TEK: variants seen among roughly 807,000 people sequenced by gnomAD.
TEK encodes the protein TEK receptor tyrosine kinase.
A neutral mutation model predicts 131.8 loss-of-function variants in TEK; 43 were observed. The observed-to-expected ratio is 0.33, with a 90% CI of 0.26 to 0.42. TEK has a LOEUF of 0.42. TEK is among the 10% of genes least tolerant of loss of function. The pLI is 1.00. For missense variants in TEK, 1,162 were observed against 1,384.4 expected (o/e 0.84, Z 2.55); for synonymous variants, 580 against 491.6 (o/e 1.18, Z -2.38).
intron 10 of TEK, chr9:27,191,818 A>G (rs1340730860): frequency 2.5e-6 from 1 of 403,800 alleles, no homozygotes; most frequent in East Asian, 7.2e-5. Flanking sequence ...ACCTTTGTCT[A>G]CAAGTGGACA....
chr9:27,205,059 A>G lies in TEK; in HGVS notation c.2358A>G (p.Gln786=). Residue 786 remains glutamine (Q), a synonymous_variant, in exon 14 of 23, where the codon CAA becomes CAG. Transcript: ENST00000380036. ...NVQRRMAQAF[Q]NVREEPAVQF... is the part of the protein sequence containing the mutation. Reference sequence around the variant, plus strand: ...AAAGGAGAATGGCCCAAGCCTTCCAAAACGTGGTAGTGTCTCATCTTCCTA... The same window carrying G: ...AAAGGAGAATGGCCCAAGCCTTCCAGAACGTGGTAGTGTCTCATCTTCCTA... 6 of 1,613,986 alleles carry G rather than the reference A, an allele frequency of 3.7e-6. No individual in the cohort carries two copies. Among genetic ancestry groups the G allele is most frequent in the Non-Finnish European group, 5.1e-6 (6 of 1,179,900 alleles).
intron 1 of TEK, among the ~76,000 whole-genome samples, chr9:27,124,747 A>C (rs4242698): frequency 0.26 from 39,322 of 152,214 alleles, 5,653 homozygotes; most frequent in Admixed American, 0.32. Context: ...GGGAGGAGCA[A>C]GTAATTCAGG....
intron 1 of TEK, among the ~76,000 whole-genome samples, chr9:27,113,600 AAAATAAAAT>A (rs1207687892): frequency 6.6e-6 from 1 of 152,122 alleles, no homozygotes; most frequent in Non-Finnish European, 1.5e-5. Flanking sequence ...AAAATAAAAT[AAAATAAAAT>A]AAATAATGAA....
At chr9:27,182,435 T>G (rs1824415342) in intron 7 of TEK, among the ~76,000 whole-genome samples, 1 of 152,182 alleles carries the variant, frequency 6.6e-6, no homozygotes, top group Non-Finnish European at 1.5e-5. Context: ...TCTTTCCAAG[T>G]TTACAGATAT....
chr9:27,215,929 A>T (rs956650380), intron 18 of TEK, among the ~76,000 whole-genome samples: 7 of 152,196 alleles, frequency 4.6e-5, no homozygotes, highest in African/African-American at 1.7e-4. Context: ...AATGTTAGAT[A>T]GGCAGTGAGG....
intron 13 of TEK, among the ~76,000 whole-genome samples, chr9:27,204,038 A>G (rs994874804): frequency 6.6e-6 from 1 of 152,234 alleles, no homozygotes; most frequent in African/African-American, 2.4e-5. Context: ...CTCTTAGTGA[A>G]TGCCCCATTT....
intron 7 of TEK, among the ~76,000 whole-genome samples, chr9:27,181,014 A>G (rs563162346): frequency 6.6e-6 from 1 of 152,238 alleles, no homozygotes; most frequent in African/African-American, 2.4e-5. Flanking sequence ...TCATACCAAA[A>G]CAAACCTTGT....
intron 20 of TEK, among the ~76,000 whole-genome samples, chr9:27,219,664 T>TA (rs1435471389): frequency 2.0e-5 from 1 of 51,160 alleles, no homozygotes; most frequent in Non-Finnish European, 4.8e-5. Context: ...CTTTTGTAAT[T>TA]AAAAAACTGG....
chr9:27,213,446 A>G (rs781385824), intron 17 of TEK, 38 bp from the exon 18 acceptor site: 16 of 1,523,886 alleles, frequency 1.0e-5, no homozygotes, highest in Non-Finnish European at 1.4e-5. Flanking sequence ...TGGGGCTTTC[A>G]TTAGGCTGAA....
chr9:27,180,441 G>A, intron 7 of TEK, 73 bp downstream of exon 7: 1 of 1,561,686 alleles, frequency 6.4e-7, no homozygotes, highest in East Asian at 2.4e-5. Flanking sequence ...TGTAATTCTT[G>A]TGCCGGCATT....
intron 1 of TEK, among the ~76,000 whole-genome samples, chr9:27,122,186 G>A (rs1821819752): frequency 6.6e-6 from 1 of 152,174 alleles, no homozygotes; most frequent in Non-Finnish European, 1.5e-5. Flanking sequence ...GCTAGGCATT[G>A]GAGTTCCAAA....
At chr9:27,164,179 C>G (rs564400785) in intron 2 of TEK, among the ~76,000 whole-genome samples, 6 of 152,184 alleles carry the variant, frequency 3.9e-5, no homozygotes, top group African/African-American at 1.4e-4. Context: ...TACCTAGCTT[C>G]TCTGTACCTT....
intron 1 of TEK, among the ~76,000 whole-genome samples, chr9:27,138,176 G>A (rs76011569): frequency 0.23 from 35,430 of 152,060 alleles, 4,676 homozygotes; most frequent in Admixed American, 0.3. Flanking sequence ...GTGAGCAGCA[G>A]CAAGATTTAT....
At chr9:27,214,408 C>A (rs1263759516) in intron 18 of TEK, among the ~76,000 whole-genome samples, 1 of 152,166 alleles carries the variant, frequency 6.6e-6, no homozygotes, top group African/African-American at 2.4e-5. Context: ...GTCTGATGAA[C>A]ATTACTTGGT....
chr9:27,157,937 G>A lies in TEK; in HGVS notation c.159G>A (p.Glu53=). ...TCIASGWRPH[E]PITIGRDFEA... ...TTGCCTCTGGGTGGCGCCCCCATGA[G>A]CCCATCACCATAGGAAGGGACTTTG... Residue 53 remains glutamate (E), a synonymous_variant, in exon 2 of 23, where the codon GAG becomes GAA. Transcript: ENST00000380036. 6.2e-7 allele frequency: 1 copy of A among 1,613,930 alleles called. No individual in the cohort carries two copies.
At chr9:27,188,144 A>G (rs1420637679) in intron 9 of TEK, among the ~76,000 whole-genome samples, 2 of 152,214 alleles carry the variant, frequency 1.3e-5, no homozygotes, top group Non-Finnish European at 2.9e-5. Context: ...AAGCTAAAGA[A>G]CAGGCAATAC....
chr9:27,116,062 C>T (rs892233435), intron 1 of TEK, among the ~76,000 whole-genome samples: 1 of 152,018 alleles, frequency 6.6e-6, no homozygotes, highest in African/African-American at 2.4e-5. Flanking sequence ...ACATTCCAGG[C>T]AAGAGGACTG....
At chr9:27,211,080 C>T (rs1587022168) in intron 16 of TEK, among the ~76,000 whole-genome samples, 1 of 151,264 alleles carries the variant, frequency 6.6e-6, no homozygotes, top group South Asian at 2.1e-4. Context: ...CGAGATCGCA[C>T]CACTGCACTT....
chr9:27,162,782 C>T (rs1010215379), intron 2 of TEK, among the ~76,000 whole-genome samples: 1 of 151,800 alleles, frequency 6.6e-6, no homozygotes. Context: ...GTGGCGCGAT[C>T]TCGGCTCACT....
Sources: allele counts gnomAD v4.1 joint callset (sites outside exome capture counted in the v4.1 genomes callset), GRCh38; gene constraint gnomAD v4.1.1; transcripts MANE v1.5; gene names NCBI Gene and HGNC (gene_info 2026-07-23, HGNC 2026-07-21).